BCL11B: variants seen among roughly 807,000 people sequenced by gnomAD.
BCL11B encodes BCL11 transcription factor B.
BCL11B carries 8 observed loss-of-function variants against 49.9 expected under a neutral mutation model. That is an observed-to-expected ratio of 0.16 (90% CI 0.09 to 0.29). BCL11B has a LOEUF of 0.29. Among genes scored for constraint, BCL11B ranks in the 10% least tolerant of loss-of-function variants. BCL11B has a pLI of 1.00. For synonymous variants in BCL11B, 739 were observed against 637.4 expected, an observed-to-expected ratio of 1.16 and a Z score of -2.40; for missense variants, 1,006 against 1,351.0, an observed-to-expected ratio of 0.74 and a Z score of 4.00.
chr14:99,225,282 T>C (rs924014981), intron 3 of BCL11B, among the ~76,000 whole-genome samples: 3 of 152,216 alleles, frequency 2.0e-5, no homozygotes, highest in Non-Finnish European at 2.9e-5. Context: ...TCCCCATTTA[T>C]ATAATGAAGA....
chr14:99,243,731 G>A (rs1351325645), intron 2 of BCL11B, among the ~76,000 whole-genome samples: 3 of 152,118 alleles, frequency 2.0e-5, no homozygotes, highest in Non-Finnish European at 4.4e-5. Context: ...CACTCTGGAA[G>A]CACCCTTGTA....
At chr14:99,245,062 A>G (rs1198107738) in intron 2 of BCL11B, among the ~76,000 whole-genome samples, 1 of 152,218 alleles carries the variant, frequency 6.6e-6, no homozygotes, top group Non-Finnish European at 1.5e-5. Flanking sequence ...TTTTATTTCC[A>G]GAGTAACAGC....
chr14:99,255,838 A>C (rs1181089080), intron 2 of BCL11B, among the ~76,000 whole-genome samples: 1 of 152,234 alleles, frequency 6.6e-6, no homozygotes, highest in Non-Finnish European at 1.5e-5. Flanking sequence ...GCCAGTGTTT[A>C]CATGCCGGTG....
At position 99,262,974 on chromosome 14, in the gene BCL11B, G is replaced by A. The variant is rs1190013016; in HGVS notation, c.59-5135C>T. The A allele has an allele frequency of 1.3e-5, 2 of 152,322 alleles. No homozygotes were observed. Among genetic ancestry groups the A allele is most frequent in the East Asian group, 1.9e-4 (1 of 5,180 alleles). 9.4% of individuals were successfully genotyped at this position (152,322 alleles called of 1,614,324 possible). ...AGAGATTTTATGAAGTTCCCCTAACGGAGGGAATAATGAAGTGCCTGGCAG... is the reference window on the plus strand; with the variant it reads ...AGAGATTTTATGAAGTTCCCCTAACAGAGGGAATAATGAAGTGCCTGGCAG... On this transcript the variant is annotated intron_variant, in intron 1 of 3. Transcript: ENST00000357195. This position sits in a 1 kb window ranked among gnomAD's most constrained non-coding sequence, Gnocchi z 4.2.
chr14:99,213,518 C>T lies in BCL11B; in HGVS notation c.640+17827G>A, dbSNP rs1887745820. On this transcript the variant is annotated intron_variant, in intron 3 of 3. Transcript: ENST00000357195. The surrounding 1 kb of genome is among the most constrained non-coding windows in gnomAD (Gnocchi z 5.1). ...AATTTTCACTTCTGAGGAATCTGGG[C>T]TCAGGGAAATATTGTCTAAGAAACA... Among the ~76,000 whole-genome samples, 1 of 152,164 alleles carries T rather than the reference C, an allele frequency of 6.6e-6. No individual in the cohort carries two copies. The highest frequency in any genetic ancestry group is 2.4e-5 in the African/African-American group (1 of 41,444).
Position 99,242,483 on chromosome 14 carries a change from T to C in BCL11B, c.428-10926A>G, listed in dbSNP as rs191099823. Among the ~76,000 whole-genome samples the C allele has an allele frequency of 1.3e-5, 2 of 152,188 alleles. No homozygotes were observed. Among genetic ancestry groups the C allele is most frequent in the Admixed American group, 6.5e-5 (1 of 15,294 alleles). On this transcript the variant is annotated intron_variant, in intron 2 of 3. Transcript: ENST00000357195. The surrounding 1 kb of genome is among the most constrained non-coding windows in gnomAD (Gnocchi z 4.4). The stretch of plus-strand genomic sequence containing the variant: ...TAAGAAGCACCAGACAGCTCCTGGC[T>C]CCAAGCCTGCACCATCGCAGACTCC...
intron 3 of BCL11B, among the ~76,000 whole-genome samples, chr14:99,209,833 T>C (rs1288010731): frequency 6.6e-6 from 1 of 152,008 alleles, no homozygotes; most frequent in Non-Finnish European, 1.5e-5. Flanking sequence ...ACTGCAAAAA[T>C]GCAGTGCTCA....
At chr14:99,216,561 C>T (rs1222833734) in intron 3 of BCL11B, among the ~76,000 whole-genome samples, 2 of 152,164 alleles carry the variant, frequency 1.3e-5, no homozygotes, top group African/African-American at 4.8e-5. Flanking sequence ...GGGGCGGGGG[C>T]TCAGTCTCCC....
intron 2 of BCL11B, among the ~76,000 whole-genome samples, chr14:99,254,037 C>G (rs1482086899): frequency 6.6e-6 from 1 of 152,216 alleles, no homozygotes; most frequent in Non-Finnish European, 1.5e-5. Context: ...ATCCAGAATG[C>G]ACACGTCAAG....
intron 2 of BCL11B, among the ~76,000 whole-genome samples, chr14:99,252,067 C>T (rs889161469): frequency 9.9e-5 from 15 of 152,116 alleles, no homozygotes; most frequent in South Asian, 2.1e-4. Flanking sequence ...GCCCCTCTTC[C>T]CCACCACCCA....
In BCL11B at chr14:99,211,318, C is replaced by T. The variant is rs373947684; in HGVS notation, c.640+20027G>A. ...GGGCAACCAGGGGAGTAAAGGGGTC[C>T]CCATGAGAGCCTGCAGCTGGACAGC... is the stretch of plus-strand genomic sequence containing the variant. On this transcript the variant is annotated intron_variant, in intron 3 of 3. Coordinates refer to ENST00000357195, the MANE Select transcript of BCL11B (RefSeq NM_138576.4). 3.6e-4 allele frequency among the ~76,000 whole-genome samples: 55 copies of T among 152,282 alleles called. No individual in the cohort carries two copies. The East Asian group carries it at 4.5e-3, about 12-fold the overall frequency.
chr14:99,181,641 G>T (rs1886706533), intron 3 of BCL11B, among the ~76,000 whole-genome samples: 1 of 152,234 alleles, frequency 6.6e-6, no homozygotes, highest in South Asian at 2.1e-4. Context: ...ACCCGGTCAG[G>T]TCCACCACAG....
chr14:99,191,291 C>T (rs73340789), intron 3 of BCL11B, among the ~76,000 whole-genome samples: 2 of 152,168 alleles, frequency 1.3e-5, no homozygotes, highest in African/African-American at 4.8e-5. Context: ...CAGGACATCT[C>T]CCCAACAAAG....
chr14:99,225,857 A>C (rs1888144106), intron 3 of BCL11B, among the ~76,000 whole-genome samples: 1 of 152,190 alleles, frequency 6.6e-6, no homozygotes, highest in African/African-American at 2.4e-5. Flanking sequence ...GGCCTCTTTT[A>C]TCTAAGGACA....
At chr14:99,261,819 A>T (rs535343854) in intron 1 of BCL11B, among the ~76,000 whole-genome samples, 51 of 152,374 alleles carry the variant, frequency 3.3e-4, no homozygotes, top group African/African-American at 9.6e-4. Flanking sequence ...GGCAGATATC[A>T]GAGGGCTGAG....
chr14:99,258,162 T>C (rs1258866047), intron 1 of BCL11B, among the ~76,000 whole-genome samples: 1 of 152,206 alleles, frequency 6.6e-6, no homozygotes, highest in East Asian at 1.9e-4. Context: ...CACACGTGCA[T>C]ACACACACAC....
rs999017088 is a variant in BCL11B, at chr14:99,242,650, C to A, written c.428-11093G>T. ...AAAGTCTTGGCCCAGCCAGGGTGAA[C>A]AAACCAAATACATAAAGAAAGCTTC... On this transcript the variant is annotated intron_variant, in intron 2 of 3. Transcript: ENST00000357195. This position sits in a 1 kb window ranked among gnomAD's most constrained non-coding sequence, Gnocchi z 4.4. Among the ~76,000 whole-genome samples the A allele has an allele frequency of 3.9e-5, 6 of 152,190 alleles. No individual in the cohort carries two copies. The highest frequency in any genetic ancestry group is 1.4e-4 in the African/African-American group (6 of 41,452).
intron 3 of BCL11B, among the ~76,000 whole-genome samples, chr14:99,208,271 C>T (rs1043886936): frequency 2.7e-4 from 41 of 152,170 alleles, no homozygotes; most frequent in Admixed American, 6.5e-5. Context: ...ATCCCTTCCC[C>T]CACTGGAAAA....
chr14:99,171,494 T>TA lies in BCL11B; in HGVS notation c.*2656dup. The stretch of plus-strand genomic sequence containing the variant: ...CCCTTTAAAAGGACAAGCTTACAGT[T>TA]AAAAAATTACGAGCTCCAGTAAAAA... On this transcript the variant is annotated 3_prime_UTR_variant, in exon 4 of 4. Coordinates refer to ENST00000357195, the MANE Select transcript of BCL11B (RefSeq NM_138576.4). The TA allele has an allele frequency of 4.8e-6, 1 of 210,432 alleles. No individual in the cohort carries two copies. The highest frequency in any genetic ancestry group is 7.2e-5 in the East Asian group (1 of 13,824). 13.0% of individuals were successfully genotyped at this position (210,432 alleles called of 1,614,324 possible).
Sources: gnomAD v4.1 joint callset for allele counts (sites outside exome capture counted in the v4.1 genomes callset) on GRCh38, gnomAD v4.1.1 for gene constraint, Gnocchi (gnomAD v3.1) non-coding constraint, MANE v1.5 for transcripts, NCBI Gene and HGNC (gene_info 2026-07-23, HGNC 2026-07-21) for gene names.